RBPMS: variants seen among roughly 807,000 people sequenced by gnomAD.
RBPMS encodes RNA-binding protein with multiple splicing.
RBPMS carries 7 observed loss-of-function variants against 26.8 expected under a neutral mutation model. That is an observed-to-expected ratio of 0.26 (90% confidence interval 0.15 to 0.49). The LOEUF (loss-of-function observed/expected upper bound fraction) is 0.49. RBPMS is among the 20% of genes least tolerant of loss of function. RBPMS has a pLI of 0.98. For missense variants in RBPMS, 186 were observed against 250.0 expected (o/e 0.74, Z 1.73); for synonymous variants, 96 against 93.3 (o/e 1.03, Z -0.17).
chr8:30,468,026 C>CG (rs1816695151), intron 1 of RBPMS, among the ~76,000 whole-genome samples: 1 of 151,792 alleles, frequency 6.6e-6, no homozygotes. Flanking sequence ...TATAAAAACC[C>CG]TAAGAGAATT....
intron 6 of RBPMS, among the ~76,000 whole-genome samples, chr8:30,552,035 A>T (rs540219592): frequency 6.4e-4 from 97 of 152,288 alleles, no homozygotes; most frequent in Non-Finnish European, 1.5e-5. Flanking sequence ...TGTAAGCTTG[A>T]GAAGCACTTA....
chr8:30,439,584 A>G (rs1812842634), intron 1 of RBPMS, among the ~76,000 whole-genome samples: 1 of 151,954 alleles, frequency 6.6e-6, no homozygotes, highest in Non-Finnish European at 1.5e-5. Context: ...TCTTTCTTAG[A>G]GTTTGGCTCC....
At chr8:30,520,813 T>G (rs994759839) in intron 5 of RBPMS, among the ~76,000 whole-genome samples, 3 of 152,204 alleles carry the variant, frequency 2.0e-5, no homozygotes, top group Admixed American at 6.5e-5. Context: ...ATAAAATTTT[T>G]AGAAAGGAAA....
At chr8:30,551,753 A>C (rs1265134926) in intron 6 of RBPMS, among the ~76,000 whole-genome samples, 1 of 152,012 alleles carries the variant, frequency 6.6e-6, no homozygotes, top group African/African-American at 2.4e-5. Context: ...CCTAACTGGG[A>C]CTCAGTTTTT....
At chr8:30,504,180 C>CT (rs34472589) in intron 4 of RBPMS, 106 bp from the exon 5 acceptor site, 1 of 1,227,492 alleles carries the variant, frequency 8.1e-7, no homozygotes, top group Non-Finnish European at 1.2e-6. Context: ...GGTTGCTGAC[C>CT]TTTTTTCCTG....
At chr8:30,503,313 C>T (rs746060776) in intron 4 of RBPMS, among the ~76,000 whole-genome samples, 5 of 152,014 alleles carry the variant, frequency 3.3e-5, no homozygotes, top group South Asian at 2.1e-4. Flanking sequence ...TGCAATGGCG[C>T]GATCTTGGCT....
chr8:30,511,745 A>T (rs1225416752), intron 5 of RBPMS, among the ~76,000 whole-genome samples: 3 of 149,920 alleles, frequency 2.0e-5, no homozygotes, highest in African/African-American at 7.4e-5. Flanking sequence ...AATTGCTTGA[A>T]CCCGGGAGGC....
intron 7 of RBPMS, among the ~76,000 whole-genome samples, chr8:30,563,659 C>T (rs1305019595): frequency 6.6e-6 from 1 of 152,200 alleles, no homozygotes; most frequent in Non-Finnish European, 1.5e-5. Context: ...TTTTTCCCTT[C>T]TCTTCTGTTT....
At chr8:30,386,412 C>T (rs1365494827) in intron 1 of RBPMS, among the ~76,000 whole-genome samples, 2 of 152,216 alleles carry the variant, frequency 1.3e-5, no homozygotes, top group Non-Finnish European at 1.5e-5. Context: ...GGAGATTTTA[C>T]TCGTCACCCA....
chr8:30,436,744 C>A (rs1306847178), intron 1 of RBPMS, among the ~76,000 whole-genome samples: 6 of 152,084 alleles, frequency 3.9e-5, no homozygotes, highest in Non-Finnish European at 8.8e-5. Context: ...TTCTTCCATG[C>A]AGTTGTGGTT....
In RBPMS at chr8:30,558,964, C is replaced by T. The variant is rs1827218265; in HGVS notation, c.*7+8C>T. The T allele has an allele frequency of 6.2e-7, 1 of 1,612,150 alleles. No homozygotes were observed. The highest frequency in any genetic ancestry group is 1.3e-5 in the African/African-American group (1 of 74,876). ...AGTTCTGCTGAATACTATGTAAGTA[C>T]TCGCTTTCCTTTGGAATGTGCGAAG... On this transcript the variant is annotated splice_region_variant and intron_variant, in intron 7 of 8. Transcript: ENST00000397323.
At chr8:30,549,190 C>A (rs1366180706) in intron 6 of RBPMS, among the ~76,000 whole-genome samples, 1 of 152,212 alleles carries the variant, frequency 6.6e-6, no homozygotes, top group Non-Finnish European at 1.5e-5. Flanking sequence ...TGGCTTCAAC[C>A]CCTCACCTGG....
intron 1 of RBPMS, among the ~76,000 whole-genome samples, chr8:30,440,035 A>G (rs191620594): frequency 3.1e-3 from 474 of 152,326 alleles, no homozygotes; most frequent in African/African-American, 4.5e-3. Flanking sequence ...CAGTCAGTCA[A>G]TCAATCAGTC....
At chr8:30,443,315 T>TA (rs982682342) in intron 1 of RBPMS, among the ~76,000 whole-genome samples, 11 of 151,640 alleles carry the variant, frequency 7.3e-5, no homozygotes, top group Admixed American at 2.6e-4. Context: ...TAATTATGGC[T>TA]AAAAAAAAAT....
chr8:30,410,167 C>CACACAA (rs1809172332), intron 1 of RBPMS, among the ~76,000 whole-genome samples: 1 of 151,356 alleles, frequency 6.6e-6, no homozygotes, highest in South Asian at 2.1e-4. Flanking sequence ...CACACACACA[C>CACACAA]ACACACACAC....
intron 1 of RBPMS, among the ~76,000 whole-genome samples, chr8:30,468,374 T>G (rs1011147603): frequency 6.6e-6 from 1 of 152,132 alleles, no homozygotes; most frequent in Non-Finnish European, 1.5e-5. Flanking sequence ...ATCTCTTACA[T>G]TTTTCTCCTT....
chr8:30,384,831 TGCCCCGCTCCC>T lies in RBPMS; in HGVS notation c.-260_-250del, dbSNP rs1330087986. The T allele has an allele frequency of 3.2e-6, 1 of 310,378 alleles. No homozygotes were observed. Among genetic ancestry groups the T allele is most frequent in the African/African-American group, 2.2e-5 (1 of 44,872 alleles). 19.2% of individuals were successfully genotyped at this position (310,378 alleles called of 1,614,324 possible). A position where few individuals can be genotyped will look rare whatever the true frequency, so the allele number is the denominator to read the frequency against. ...CCCTCCCGGGGCCCGATTGTCTCGG[TGCCCCGCTCCC>T]GGCCCGCGCCCTGCCCCGTCTCTCC... On this transcript the variant is annotated 5_prime_UTR_variant, in exon 1 of 9. Coordinates refer to ENST00000397323, the MANE Select transcript of RBPMS (RefSeq NM_001008710.3). This position sits in a 1 kb window ranked among gnomAD's most constrained non-coding sequence, Gnocchi z 5.6.
chr8:30,441,887 T>G (rs1230448821), intron 1 of RBPMS, among the ~76,000 whole-genome samples: 1 of 152,204 alleles, frequency 6.6e-6, no homozygotes, highest in Non-Finnish European at 1.5e-5. Context: ...CCTCCTGGAT[T>G]CAAGCGATTC....
intron 1 of RBPMS, among the ~76,000 whole-genome samples, chr8:30,461,762 A>G (rs1227240070): frequency 6.6e-6 from 1 of 152,194 alleles, no homozygotes; most frequent in Non-Finnish European, 1.5e-5. Flanking sequence ...CTGTAGTAAC[A>G]TCTTAGAAAA....
Sources: allele counts gnomAD v4.1 joint callset (sites outside exome capture counted in the v4.1 genomes callset), GRCh38; gene constraint gnomAD v4.1.1; non-coding constraint Gnocchi (gnomAD v3.1); transcripts MANE v1.5; gene names NCBI Gene and HGNC (gene_info 2026-07-23, HGNC 2026-07-21).